SVOP: variants seen among roughly 807,000 people sequenced by gnomAD.
SVOP encodes synaptic vesicle 2-related protein.
SVOP carries 17 observed loss-of-function variants against 69.1 expected under a neutral mutation model. The ratio of observed to expected loss-of-function variants is 0.25; its 90% CI spans 0.17 to 0.37. SVOP has a LOEUF of 0.37. SVOP is among the 10% of genes least tolerant of loss of function. The pLI is 1.00. For synonymous variants in SVOP, 238 were observed against 238.6 expected (o/e 1.00, Z 0.02); for missense variants, 435 against 597.5 (o/e 0.73, Z 2.84).
At chr12:109,020,763 CA>C (rs1555254152) in intron 1 of SVOP, 70 bp downstream of exon 1, 3 of 392,564 alleles carry the variant, frequency 7.6e-6, no homozygotes, top group Non-Finnish European at 1.0e-5. Context: ...TACCCCCCCC[CA>C]CCCCCCTTGC....
intron 8 of SVOP, among the ~76,000 whole-genome samples, chr12:108,940,102 T>C (rs1262078889): frequency 6.6e-6 from 1 of 152,202 alleles, no homozygotes; most frequent in African/African-American, 2.4e-5. Flanking sequence ...TAGGGGTTCA[T>C]TATAGTCCTG....
rs1044838721 is a variant in SVOP at position 108,912,376 on chromosome 12, A to G, written c.*159T>C. ...CCCCATCCCTGGGTGGACCTCAATG[A>G]AGATGAGCAAACTGAGTCAAGACAC... On this transcript the variant is annotated 3_prime_UTR_variant, in exon 16 of 16. Coordinates refer to ENST00000610966, the MANE Select transcript of SVOP (RefSeq NM_018711.5). 1.2e-5 allele frequency: 18 copies of G among 1,493,414 alleles called. No individual in the cohort carries two copies. The Middle Eastern group carries it at 7.4e-4, about 61-fold the overall frequency. 92.5% of individuals were successfully genotyped at this position (1,493,414 alleles called of 1,614,324 possible).
chr12:108,918,973 T>C (rs1438741543), intron 13 of SVOP, among the ~76,000 whole-genome samples: 1 of 152,100 alleles, frequency 6.6e-6, no homozygotes, highest in African/African-American at 2.4e-5. Flanking sequence ...TACCTGTATC[T>C]GCACCCACTC....
At chr12:108,990,718 C>T (rs1023837575) in intron 1 of SVOP, among the ~76,000 whole-genome samples, 5 of 151,634 alleles carry the variant, frequency 3.3e-5, no homozygotes, top group African/African-American at 1.2e-4. Context: ...AATAAATAAA[C>T]AAACAAAAAC....
intron 10 of SVOP, 148 bp from the exon 11 acceptor site, chr12:108,934,419 G>T: frequency 1.6e-6 from 1 of 619,342 alleles, no homozygotes; most frequent in Non-Finnish European, 2.8e-6. Flanking sequence ...TGGGGACCTT[G>T]AGCAAGAAGA....
At chr12:108,947,901 G>T (rs369803874) in intron 6 of SVOP, among the ~76,000 whole-genome samples, 102 of 152,236 alleles carry the variant, frequency 6.7e-4, no homozygotes, top group Middle Eastern at 3.4e-3. Context: ...GGCAGATGGT[G>T]CTGGGGACAC....
intron 15 of SVOP, among the ~76,000 whole-genome samples, chr12:108,913,824 TATTTTTAAGAGAG>T (rs1466552762): frequency 6.6e-6 from 1 of 152,192 alleles, no homozygotes; most frequent in Admixed American, 6.5e-5. Context: ...AATTCTTTTG[TATTTTTAAGAGAG>T]ATGGAGTCTC....
intron 15 of SVOP, among the ~76,000 whole-genome samples, chr12:108,912,944 G>C (rs2039693738): frequency 6.6e-6 from 1 of 152,000 alleles, no homozygotes; most frequent in Non-Finnish European, 1.5e-5. Context: ...ATGAGTAAAA[G>C]CTTCCTGAGG....
At chr12:108,981,636 T>C (rs1204014289) in intron 2 of SVOP, among the ~76,000 whole-genome samples, 1 of 152,176 alleles carries the variant, frequency 6.6e-6, no homozygotes, top group African/African-American at 2.4e-5. Flanking sequence ...AGCAAGATAC[T>C]TAACCCTTCT....
intron 5 of SVOP, among the ~76,000 whole-genome samples, chr12:108,962,448 A>AT (rs1379925211): frequency 2.0e-5 from 3 of 151,916 alleles, no homozygotes; most frequent in African/African-American, 7.3e-5. Flanking sequence ...ATCTTTGGAA[A>AT]TTTTTTCTGG....
In SVOP at chr12:109,020,878, G is replaced by T; in HGVS notation, c.-10C>A. The stretch of plus-strand genomic sequence containing the variant: ...ATAAGTCCTCCTCCATGTCCGCGCT[G>T]CGCCAGGATGAGCCCTTCTCATGGC... On this transcript the variant is annotated 5_prime_UTR_variant, in exon 1 of 16. Transcript: ENST00000610966. 1 of 717,178 alleles carries T rather than the reference G, an allele frequency of 1.4e-6. No homozygotes were observed. The highest frequency in any genetic ancestry group is 2.6e-6 in the Non-Finnish European group (1 of 384,782). The allele number at this position is 717,178 out of a possible 1,614,324, so 44.4% of individuals were successfully genotyped here. A position where few individuals can be genotyped will look rare whatever the true frequency, so the allele number is the denominator to read the frequency against.
intron 1 of SVOP, 80 bp downstream of exon 1, chr12:109,020,754 A>ACCCCCCCCCCCCCCCCCCCTCACC (rs67827847): frequency 4.3e-6 from 1 of 230,960 alleles, no homozygotes. Context: ...GCAGAGATGT[A>ACCCCCCCCCCCCCCCCCCCTCACC]CCCCCCCCCA....
At chr12:108,930,524 G>A (rs2039811036) in intron 11 of SVOP, among the ~76,000 whole-genome samples, 1 of 148,832 alleles carries the variant, frequency 6.7e-6, no homozygotes, top group African/African-American at 2.5e-5. Context: ...TGCAGCCTCA[G>A]CCTCCCCAGT....
rs181626352 is a variant in SVOP at position 109,019,660 on chromosome 12, G to A, written c.35+1174C>T. Among the ~76,000 whole-genome samples the A allele has an allele frequency of 1.1e-4, 17 of 152,146 alleles. No individual in the cohort carries two copies. In the East Asian group the frequency reaches 3.3e-3, roughly 29 times the overall value. On this transcript the variant is annotated intron_variant, in intron 1 of 15. Coordinates refer to ENST00000610966, the MANE Select transcript of SVOP (RefSeq NM_018711.5). The stretch of plus-strand genomic sequence containing the variant: ...TATTACTGAACATCCTCTAGCATTT[G>A]TGAAATAATGCTGTATTACATAATC...
intron 14 of SVOP, among the ~76,000 whole-genome samples, chr12:108,917,643 ATTCT>A (rs1291048597): frequency 7.3e-6 from 1 of 136,986 alleles, no homozygotes; most frequent in Admixed American, 7.3e-5. Context: ...CATCCACCTC[ATTCT>A]TTTTTTTTTT....
intron 2 of SVOP, among the ~76,000 whole-genome samples, chr12:108,979,006 G>T (rs946464900): frequency 1.3e-5 from 2 of 152,104 alleles, no homozygotes; most frequent in Admixed American, 1.3e-4. Context: ...AAAGTATATT[G>T]TTAATTAATG....
chr12:108,957,919 G>A lies in SVOP; in HGVS notation c.578+3004C>T, dbSNP rs149426379. Among the ~76,000 whole-genome samples the A allele has an allele frequency of 2.1e-3, 321 of 152,376 alleles. 3 individuals carry two copies. Among genetic ancestry groups the A allele is most frequent in the African/African-American group, 7.1e-3 (294 of 41,594 alleles). Reference sequence around the variant, plus strand: ...AGCTCCATTGGCATCCATTGCAGCCGTGAGACTTTTGCAGAAAAGAGATTA... The same window carrying A: ...AGCTCCATTGGCATCCATTGCAGCCATGAGACTTTTGCAGAAAAGAGATTA... On this transcript the variant is annotated intron_variant, in intron 6 of 15. Transcript: ENST00000610966.
intron 6 of SVOP, among the ~76,000 whole-genome samples, chr12:108,946,582 GC>G (rs1245593496): frequency 6.6e-6 from 1 of 151,682 alleles, no homozygotes. Flanking sequence ...GCTTAGAAGA[GC>G]TTTTTCCTCC....
At chr12:108,959,541 A>G (rs541978424) in intron 6 of SVOP, among the ~76,000 whole-genome samples, 2 of 151,960 alleles carry the variant, frequency 1.3e-5, no homozygotes, top group East Asian at 3.9e-4. Flanking sequence ...TTTAGTAGAG[A>G]TGGGGTTTCA....
Sources: allele counts gnomAD v4.1 joint callset (sites outside exome capture counted in the v4.1 genomes callset), GRCh38; gene constraint gnomAD v4.1.1; transcripts MANE v1.5; gene names NCBI Gene and HGNC (gene_info 2026-07-23, HGNC 2026-07-21).